Variants in CLYBL observed in about 807,000 individuals in gnomAD.
CLYBL encodes citramalyl-CoA lyase, also known as citramalyl-CoA lyase, mitochondrial.
Under a neutral mutation model 38.9 loss-of-function variants are expected in CLYBL, and 31 were observed. The observed-to-expected ratio is 0.80, with a 90% confidence interval of 0.60 to 1.08. The LOEUF (loss-of-function observed/expected upper bound fraction) is 1.08. Among genes scored for constraint, CLYBL ranks in the 50% least tolerant of loss-of-function variants. CLYBL has a pLI of 0.00. For synonymous variants in CLYBL, 171 were observed against 158.6 expected (o/e 1.08, Z -0.59); for missense variants, 434 against 411.6 (o/e 1.05, Z -0.47).
intron 1 of CLYBL, among the ~76,000 whole-genome samples, chr13:99,680,325 C>T (rs1433442340): frequency 6.6e-6 from 1 of 152,282 alleles, no homozygotes; most frequent in East Asian, 1.9e-4. Context: ...CTCCAATTTT[C>T]CTAGATTCTA....
In CLYBL at chr13:99,731,082, CAA is replaced by C. The variant is rs764705741; in HGVS notation, c.63-41719_63-41718del. ...TGGGTGACAGAGTGAGACTCTGTTTCAAAAAAAAAAAAAAAAAAAAAAAAGGC... is the reference window on the plus strand; with the variant it reads ...TGGGTGACAGAGTGAGACTCTGTTTCAAAAAAAAAAAAAAAAAAAAAAGGC... On this transcript the variant is annotated intron_variant, in intron 1 of 8. Coordinates refer to ENST00000339105, the MANE Select transcript of CLYBL (RefSeq NM_206808.5). Among the ~76,000 whole-genome samples the C allele has an allele frequency of 2.8e-4, 16 of 57,010 alleles. No homozygotes were observed. In the East Asian group the frequency reaches 2.9e-3, roughly 10 times the overall value. 37.4% of individuals were successfully genotyped at this position (57,010 alleles called of 152,430 possible). A position where few individuals can be genotyped will look rare whatever the true frequency, so the allele number is the denominator to read the frequency against.
At chr13:99,609,183 T>G (rs1217756744) in intron 1 of CLYBL, among the ~76,000 whole-genome samples, 3 of 132,472 alleles carry the variant, frequency 2.3e-5, no homozygotes, top group Admixed American at 7.6e-5. Context: ...TTTTTTTTTT[T>G]TTTTTTTTTT....
At chr13:99,682,192 G>T (rs1287591546) in intron 1 of CLYBL, among the ~76,000 whole-genome samples, 1 of 150,814 alleles carries the variant, frequency 6.6e-6, no homozygotes, top group Non-Finnish European at 1.5e-5. Context: ...CGCCCAGGCT[G>T]GAATGCAGTG....
intron 1 of CLYBL, among the ~76,000 whole-genome samples, chr13:99,661,891 C>G (rs1462132116): frequency 6.6e-6 from 1 of 152,194 alleles, no homozygotes; most frequent in Non-Finnish European, 1.5e-5. Context: ...AATAGCCTGT[C>G]AGCCTCCCCT....
intron 1 of CLYBL, among the ~76,000 whole-genome samples, chr13:99,702,865 T>C (rs1215205380): frequency 3.3e-5 from 5 of 152,184 alleles, no homozygotes; most frequent in Non-Finnish European, 7.3e-5. Context: ...GTTGCTCTGC[T>C]ACATAAGAAG....
At chr13:99,847,213 A>G (rs1412934835) in intron 2 of CLYBL, among the ~76,000 whole-genome samples, 1 of 152,186 alleles carries the variant, frequency 6.6e-6, no homozygotes, top group Non-Finnish European at 1.5e-5. Context: ...CTCTTGATTT[A>G]CCGTTAAAAA....
In CLYBL at chr13:99,754,477, TC is replaced by T. The variant is rs2049020067; in HGVS notation, c.63-18346del. ...AGTCTCACTCTGTTTCCTAGACTGG[TC>T]TTGAACTCCTGGGGTCAAGCAATCC... On this transcript the variant is annotated intron_variant, in intron 1 of 8. Transcript: ENST00000339105. Among the ~76,000 whole-genome samples the T allele has an allele frequency of 2.0e-5, 3 of 148,686 alleles. 1 individual carries two copies. The South Asian group carries it at 6.4e-4, about 32-fold the overall frequency.
At chr13:99,658,130 G>GAGC (rs2139321977) in intron 1 of CLYBL, among the ~76,000 whole-genome samples, 1 of 152,342 alleles carries the variant, frequency 6.6e-6, no homozygotes, top group Non-Finnish European at 1.5e-5. Flanking sequence ...TTCGATGTGC[G>GAGC]AGCAGAAGGC....
chr13:99,722,194 T>C (rs769471590), intron 1 of CLYBL, among the ~76,000 whole-genome samples: 28 of 152,120 alleles, frequency 1.8e-4, no homozygotes, highest in Non-Finnish European at 3.4e-4. Context: ...TCTTAAGGGG[T>C]CTGGTTTGGT....
At chr13:99,811,818 A>C (rs941570768) in intron 2 of CLYBL, among the ~76,000 whole-genome samples, 1 of 152,154 alleles carries the variant, frequency 6.6e-6, no homozygotes, top group African/African-American at 2.4e-5. Context: ...TGTTATCTGG[A>C]ATATAACCGA....
intron 2 of CLYBL, among the ~76,000 whole-genome samples, chr13:99,783,085 C>T (rs2049695874): frequency 6.6e-6 from 1 of 151,936 alleles, no homozygotes; most frequent in Admixed American, 6.6e-5. Flanking sequence ...CTCTGTGGCT[C>T]AGGCTGGAGT....
At chr13:99,763,496 C>A (rs1297179218) in intron 1 of CLYBL, among the ~76,000 whole-genome samples, 1 of 150,384 alleles carries the variant, frequency 6.6e-6, no homozygotes, top group African/African-American at 2.4e-5. Flanking sequence ...TTGGATCATC[C>A]TCGCATCCCT....
chr13:99,805,962 A>G (rs1272715936), intron 2 of CLYBL, among the ~76,000 whole-genome samples: 1 of 152,230 alleles, frequency 6.6e-6, no homozygotes, highest in Non-Finnish European at 1.5e-5. Flanking sequence ...GTATGCATCT[A>G]ATGATTTCAC....
intron 7 of CLYBL, among the ~76,000 whole-genome samples, chr13:99,872,574 A>C (rs2051934210): frequency 6.6e-6 from 1 of 152,190 alleles, no homozygotes; most frequent in Non-Finnish European, 1.5e-5. Context: ...GAGGACAGGC[A>C]TGTCATAAAC....
intron 1 of CLYBL, among the ~76,000 whole-genome samples, chr13:99,696,055 T>A (rs2047974517): frequency 6.6e-6 from 1 of 152,084 alleles, no homozygotes; most frequent in Admixed American, 6.5e-5. Context: ...AAATAGGAAT[T>A]TAGAGTGATG....
intron 2 of CLYBL, among the ~76,000 whole-genome samples, chr13:99,813,822 G>A (rs949446879): frequency 4.6e-5 from 7 of 152,192 alleles, no homozygotes; most frequent in Non-Finnish European, 8.8e-5. Flanking sequence ...ATACGTTGCC[G>A]TCCGCAAGTC....
intron 1 of CLYBL, among the ~76,000 whole-genome samples, chr13:99,608,847 CT>C (rs57961216): frequency 3.6e-4 from 32 of 87,856 alleles, no homozygotes; most frequent in African/African-American, 1.4e-3. Flanking sequence ...AGTGATGAGT[CT>C]TTTTTTTTTT....
intron 2 of CLYBL, among the ~76,000 whole-genome samples, chr13:99,795,577 C>T (rs527835441): frequency 6.6e-6 from 1 of 152,172 alleles, no homozygotes; most frequent in African/African-American, 2.4e-5. Flanking sequence ...TTGCTTGAGC[C>T]CAGGATGTTG....
At chr13:99,863,459 T>C (rs2051660487) in intron 4 of CLYBL, among the ~76,000 whole-genome samples, 1 of 98,484 alleles carries the variant, frequency 1.0e-5, no homozygotes, top group South Asian at 3.9e-4. Context: ...GAAATGTTCT[T>C]TTCTATCAAA....
Sources: allele counts gnomAD v4.1 joint callset (sites outside exome capture counted in the v4.1 genomes callset), GRCh38; gene constraint gnomAD v4.1.1; transcripts MANE v1.5; gene names NCBI Gene and HGNC (gene_info 2026-07-23, HGNC 2026-07-21).